Variants in AVEN observed in about 807,000 individuals in gnomAD.
AVEN encodes apoptosis and caspase activation inhibitor, also known as cell death regulator Aven.
Under a neutral mutation model 38.1 loss-of-function variants are expected in AVEN, and 41 were observed. The ratio of observed to expected loss-of-function variants is 1.08; its 90% CI spans 0.84 to 1.40. AVEN has a LOEUF of 1.40. AVEN is among the 40% of genes most tolerant of loss of function. The pLI is 0.00. For synonymous variants in AVEN, 206 were observed against 171.8 expected (o/e 1.20, Z -1.56); for missense variants, 605 against 438.8 (o/e 1.38, Z -3.38).
chr15:33,987,066 A>G (rs1896508097), intron 2 of AVEN, among the ~76,000 whole-genome samples: 1 of 152,202 alleles, frequency 6.6e-6, no homozygotes, highest in South Asian at 2.1e-4. Flanking sequence ...TCACCACTCA[A>G]TGCCTCTAAA....
At chr15:33,902,190 C>T (rs1447447632) in intron 2 of AVEN, among the ~76,000 whole-genome samples, 2 of 152,002 alleles carry the variant, frequency 1.3e-5, no homozygotes, top group African/African-American at 4.8e-5. Context: ...AAATGTTTTA[C>T]CTCCTTCAAA....
chr15:33,939,392 G>A (rs659783), intron 2 of AVEN, among the ~76,000 whole-genome samples: 89,069 of 152,104 alleles, frequency 0.59, 28,557 homozygotes, highest in East Asian at 0.76. Context: ...TGTTACTTAC[G>A]GAGTAACACG....
At chr15:33,852,021 A>C in the AVEN span, 3 of 149,978 alleles carry the variant, frequency 2.0e-5, no homozygotes, top group East Asian at 5.8e-4. Context: ...AAAAAAAAAC[A>C]TTTTTTTTTA....
chr15:33,930,371 G>A (rs186456071), intron 2 of AVEN, among the ~76,000 whole-genome samples: 2,694 of 151,262 alleles, frequency 0.018, 32 homozygotes, highest in Middle Eastern at 0.028. Context: ...TCCTTAAAGA[G>A]AGTTTATTAA....
At chr15:33,959,501 T>C (rs684819) in intron 2 of AVEN, among the ~76,000 whole-genome samples, 146,858 of 152,194 alleles carry the variant, frequency 0.96, 70,993 homozygotes, top group Non-Finnish European at 1. Context: ...GTCATAGCCA[T>C]AGCCCTCCGA....
intron 2 of AVEN, among the ~76,000 whole-genome samples, chr15:33,896,580 A>T (rs1892242986): frequency 6.6e-6 from 1 of 152,178 alleles, no homozygotes; most frequent in South Asian, 2.1e-4. Context: ...CCATGGTCTA[A>T]GCACACCCAC....
At chr15:33,927,714 A>T (rs1893676076) in intron 2 of AVEN, among the ~76,000 whole-genome samples, 1 of 152,192 alleles carries the variant, frequency 6.6e-6, no homozygotes, top group African/African-American at 2.4e-5. Context: ...ATTTTTGTAG[A>T]ATGTGCAAAA....
At chr15:33,982,325 A>G (rs779695734) in intron 2 of AVEN, among the ~76,000 whole-genome samples, 2 of 152,100 alleles carry the variant, frequency 1.3e-5, no homozygotes, top group South Asian at 2.1e-4. Flanking sequence ...TCAAATTCCT[A>G]TAAGATCACA....
intron 2 of AVEN, among the ~76,000 whole-genome samples, chr15:33,902,755 G>A (rs1166422184): frequency 3.3e-5 from 5 of 152,080 alleles, no homozygotes; most frequent in Admixed American, 6.5e-5. Context: ...GCATTCCTAC[G>A]CACAAATAAA....
rs146988407 is a variant in AVEN at position 34,033,861 on chromosome 15, C to A, written c.267+4919G>T. The stretch of plus-strand genomic sequence containing the variant: ...AAAGAGCAGTGGCGCAATTTCGGCT[C>A]ACTGCAACCTCCGCCTCCCAAGTTT... On this transcript the variant is annotated intron_variant, in intron 1 of 5. Coordinates refer to ENST00000306730, the MANE Select transcript of AVEN (RefSeq NM_020371.3). Among the ~76,000 whole-genome samples, 128 of 152,270 alleles carry A rather than the reference C, an allele frequency of 8.4e-4. 1 individual carries two copies. Among genetic ancestry groups the A allele is most frequent in the African/African-American group, 3.0e-3 (123 of 41,568 alleles).
chr15:34,068,978 A>ATTTTTT (rs1900578331), intron 2 of AVEN, among the ~76,000 whole-genome samples: 1 of 151,644 alleles, frequency 6.6e-6, no homozygotes. Flanking sequence ...CGCCCGGCTA[A>ATTTTTT]TTTTTTGTAT....
At chr15:33,965,252 T>A (rs560876087) in intron 2 of AVEN, among the ~76,000 whole-genome samples, 27 of 152,332 alleles carry the variant, frequency 1.8e-4, no homozygotes, top group Non-Finnish European at 3.2e-4. Flanking sequence ...TTTAAAAGCA[T>A]ATTTATTTTA....
chr15:33,872,532 C>T (rs972061124), intron 3 of AVEN, among the ~76,000 whole-genome samples: 1 of 152,062 alleles, frequency 6.6e-6, no homozygotes, highest in Middle Eastern at 3.2e-3. Flanking sequence ...ACCCACAGAA[C>T]TGAACTCTCT....
chr15:34,016,853 G>A (rs1005631802), intron 1 of AVEN, among the ~76,000 whole-genome samples: 1 of 152,116 alleles, frequency 6.6e-6, no homozygotes, highest in African/African-American at 2.4e-5. Context: ...CAACACCCAC[G>A]TGTGGTGGCA....
intron 2 of AVEN, among the ~76,000 whole-genome samples, chr15:33,948,253 C>T (rs964418139): frequency 2.0e-5 from 3 of 152,020 alleles, no homozygotes; most frequent in Admixed American, 6.6e-5. Context: ...CCCGCCACCA[C>T]GCCCAGCTGA....
intron 5 of AVEN, among the ~76,000 whole-genome samples, chr15:34,060,588 G>T (rs953446422): frequency 2.0e-5 from 3 of 152,128 alleles, no homozygotes; most frequent in African/African-American, 7.2e-5. Flanking sequence ...TCATCAAAAA[G>T]ATTTTCACCG....
downstream of AVEN, chr15:33,864,119 T>TATC (rs1889546051): frequency 3.1e-6 from 5 of 1,598,718 alleles, no homozygotes; most frequent in Middle Eastern, 5.0e-4. Flanking sequence ...TATCTAATAC[T>TATC]ATCTTTTCCT....
chr15:33,923,439 G>T (rs1352665499), intron 2 of AVEN, among the ~76,000 whole-genome samples: 1 of 152,164 alleles, frequency 6.6e-6, no homozygotes, highest in Admixed American at 6.5e-5. Context: ...ACGTGGAATT[G>T]TGAGAGCCTG....
chr15:34,039,168 G>T lies in AVEN; in HGVS notation c.-122C>A. The stretch of plus-strand genomic sequence containing the variant: ...GAAAGGCGCCCGGTAGCAGCGAGGC[G>T]CGGGGTGCGGGGCTAGGGATCGAGG... On this transcript the variant is annotated 5_prime_UTR_variant, in exon 1 of 6. Coordinates refer to ENST00000306730, the MANE Select transcript of AVEN (RefSeq NM_020371.3). 1.2e-6 allele frequency: 1 copy of T among 840,250 alleles called. No homozygotes were observed. Among genetic ancestry groups the T allele is most frequent in the Non-Finnish European group, 1.5e-6 (1 of 687,720 alleles). The allele number at this position is 840,250 out of a possible 1,614,324, so 52.0% of individuals were successfully genotyped here.
Sources: gnomAD v4.1 joint callset for allele counts (sites outside exome capture counted in the v4.1 genomes callset) on GRCh38, gnomAD v4.1.1 for gene constraint, MANE v1.5 for transcripts, NCBI Gene and HGNC (gene_info 2026-07-23, HGNC 2026-07-21) for gene names.